The following SHANK2 variants were observed in gnomAD, a reference collection of about 807,000 sequenced individuals.
SHANK2 encodes the protein SH3 and multiple ankyrin repeat domains protein 2.
In SHANK2, 43 loss-of-function variants were observed where a neutral mutation model predicts 133.7. That is an observed-to-expected ratio of 0.32 (90% CI 0.25 to 0.41). The LOEUF (loss-of-function observed/expected upper bound fraction) is 0.41. Ranked by LOEUF, SHANK2 falls within the 10% of genes least tolerant of loss-of-function variation. SHANK2 has a pLI of 1.00. For synonymous variants in SHANK2, 1,017 were observed against 952.8 expected, an observed-to-expected ratio of 1.07 and a Z score of -1.24; for missense variants, 1,994 against 2,235.8, an observed-to-expected ratio of 0.89 and a Z score of 2.18.
intron 10 of SHANK2, among the ~76,000 whole-genome samples, chr11:70,953,208 G>T (rs1201263227): frequency 6.6e-6 from 1 of 152,062 alleles, no homozygotes; most frequent in Non-Finnish European, 1.5e-5. Flanking sequence ...CCGGGCCATG[G>T]GGGTGGATCC....
chr11:70,525,775 A>AC (rs530152785), intron 17 of SHANK2, among the ~76,000 whole-genome samples: 89 of 151,502 alleles, frequency 5.9e-4, no homozygotes, highest in Non-Finnish European at 1.0e-3. Flanking sequence ...TCTCCAGCTA[A>AC]CCCCCCTCCT....
intron 17 of SHANK2, among the ~76,000 whole-genome samples, chr11:70,517,608 T>C (rs2059281329): frequency 6.6e-6 from 1 of 152,174 alleles, no homozygotes; most frequent in South Asian, 2.1e-4. Flanking sequence ...GAAGCCAATC[T>C]GAAAAGGCTG....
At chr11:71,066,880 A>T (rs1431686815) in intron 9 of SHANK2, among the ~76,000 whole-genome samples, 1 of 151,866 alleles carries the variant, frequency 6.6e-6, no homozygotes, top group East Asian at 1.9e-4. Flanking sequence ...GTACGAACAC[A>T]CCCCTCACTG....
At chr11:70,550,867 C>G (rs1483668750) in intron 17 of SHANK2, among the ~76,000 whole-genome samples, 1 of 152,194 alleles carries the variant, frequency 6.6e-6, no homozygotes, top group Non-Finnish European at 1.5e-5. Context: ...CTCCATGGAG[C>G]AGGTCTGAGA....
intron 2 of SHANK2, among the ~76,000 whole-genome samples, chr11:71,209,099 G>A (rs1954195407): frequency 6.6e-6 from 1 of 152,134 alleles, no homozygotes; most frequent in African/African-American, 2.4e-5. Flanking sequence ...AAAGCAGAAC[G>A]TCCCTCTCAG....
At chr11:70,775,914 C>G (rs1366580158) in intron 14 of SHANK2, among the ~76,000 whole-genome samples, 1 of 152,250 alleles carries the variant, frequency 6.6e-6, no homozygotes, top group Non-Finnish European at 1.5e-5. Flanking sequence ...ACAACATCTT[C>G]ATTCAATAAC....
At chr11:71,141,640 C>T (rs1484140715) in intron 3 of SHANK2, among the ~76,000 whole-genome samples, 2 of 152,058 alleles carry the variant, frequency 1.3e-5, no homozygotes, top group Admixed American at 1.3e-4. Flanking sequence ...ACTCAGTCTC[C>T]GGTAGTTAGC....
At position 70,790,908 on chromosome 11, in the gene SHANK2, C is replaced by T. The variant is rs1055451027; in HGVS notation, c.1777+7535G>A. Among the ~76,000 whole-genome samples the T allele has an allele frequency of 3.0e-4, 46 of 152,184 alleles. 2 individuals carry two copies. Among genetic ancestry groups the T allele is most frequent in the Admixed American group, 2.5e-3 (38 of 15,280 alleles). ...GGGCAGCGTTTCTCCATTCTCTCTC[C>T]CCGTCTCTGCAGGCTGGGGGCAGGG... On this transcript the variant is annotated intron_variant, in intron 14 of 25. Transcript: ENST00000601538.
chr11:71,123,834 A>G (rs1952120936), intron 3 of SHANK2, among the ~76,000 whole-genome samples: 2 of 152,206 alleles, frequency 1.3e-5, no homozygotes, highest in Non-Finnish European at 2.9e-5. Context: ...TTACTGGAGG[A>G]AACAACTCTC....
chr11:70,559,664 C>T (rs1263582300), intron 17 of SHANK2, among the ~76,000 whole-genome samples: 1 of 152,126 alleles, frequency 6.6e-6, no homozygotes, highest in Non-Finnish European at 1.5e-5. Flanking sequence ...AGGGCATCTG[C>T]ATCGATCATT....
At chr11:70,815,444 G>A (rs1948372785) in intron 12 of SHANK2, among the ~76,000 whole-genome samples, 1 of 152,106 alleles carries the variant, frequency 6.6e-6, no homozygotes, top group African/African-American at 2.4e-5. Context: ...GAGGGACCCT[G>A]TGGTGTCTCC....
chr11:71,158,262 A>G (rs1234151685), intron 2 of SHANK2, among the ~76,000 whole-genome samples: 1 of 152,260 alleles, frequency 6.6e-6, no homozygotes, highest in African/African-American at 2.4e-5. Context: ...GTTAAAAAAA[A>G]GTCCAGCAAA....
intron 17 of SHANK2, among the ~76,000 whole-genome samples, chr11:70,643,345 C>T (rs369644150): frequency 2.6e-5 from 4 of 152,194 alleles, no homozygotes; most frequent in African/African-American, 4.8e-5. Flanking sequence ...GGGCGGATCA[C>T]GAGGTCAGGA....
chr11:70,773,035 C>T (rs1947286691), intron 14 of SHANK2, among the ~76,000 whole-genome samples: 1 of 152,208 alleles, frequency 6.6e-6, no homozygotes, highest in Non-Finnish European at 1.5e-5. Context: ...CCTCTGGCTC[C>T]TCTAATCCCC....
At chr11:70,492,136 G>C (rs2058895017) in intron 22 of SHANK2, among the ~76,000 whole-genome samples, 199 bp downstream of exon 22, 1 of 152,064 alleles carries the variant, frequency 6.6e-6, no homozygotes, top group Admixed American at 6.6e-5. Context: ...GCAGGGCTTG[G>C]ATGCAGCCTG....
chr11:70,548,426 A>G (rs1230766421), intron 17 of SHANK2, among the ~76,000 whole-genome samples: 2 of 152,080 alleles, frequency 1.3e-5, no homozygotes, highest in Non-Finnish European at 2.9e-5. Context: ...TCCACCCGCC[A>G]CTTCCCTGCT....
rs1007655106 is a variant in SHANK2, at chr11:70,525,414, C to T, written c.2062-22483G>A. Among the ~76,000 whole-genome samples the T allele has an allele frequency of 4.6e-5, 7 of 152,126 alleles. No homozygotes were observed. The East Asian group carries it at 7.7e-4, about 17-fold the overall frequency. ...GCAGCCCCTAACACCCAGGACAGCT[C>T]ATCCCGGGTCTGTGAACCCCAGCCA... On this transcript the variant is annotated intron_variant, in intron 17 of 25. Coordinates refer to ENST00000601538, the MANE Select transcript of SHANK2 (RefSeq NM_012309.5).
Position 71,152,140 on chromosome 11 carries a change from T to G in SHANK2, c.-12-4802A>C, listed in dbSNP as rs576527968. Reference sequence around the variant, plus strand: ...TTGTTTGTTTTTTATTGAGACGGAGTCTCACTCTGTCGCCCAGGCCAGAGT... The same window carrying G: ...TTGTTTGTTTTTTATTGAGACGGAGGCTCACTCTGTCGCCCAGGCCAGAGT... On this transcript the variant is annotated intron_variant, in intron 2 of 25. Coordinates refer to ENST00000601538, the MANE Select transcript of SHANK2 (RefSeq NM_012309.5). Among the ~76,000 whole-genome samples, 9 of 152,166 alleles carry G rather than the reference T, an allele frequency of 5.9e-5. No individual in the cohort carries two copies. In the South Asian group the frequency reaches 1.7e-3, roughly 28 times the overall value.
At position 70,659,916 on chromosome 11, in the gene SHANK2, G is replaced by C. The variant is rs782069830; in HGVS notation, c.1973C>G (p.Ala658Gly). Residue 658 changes from alanine to glycine, a missense_variant, in exon 17 of 26, where the codon GCT becomes GGT. Ala to Gly is a moderately conservative substitution (Grantham distance 60). Around this residue, in one of 5 missense-constraint regions of SHANK2, gnomAD observed 488 missense variants for 642.6 expected, o/e 0.76. Transcript: ENST00000601538. ...CTCCAGGTACTGTAGGGCTGGGAAA[G>C]CCGGTGTTGGTGTGAATTCTTCAAT... ...TPIEEFTPTP[A>G]FPALQYLESV... 60 of 1,614,090 alleles carry C rather than the reference G, an allele frequency of 3.7e-5. No homozygotes were observed. The highest frequency in any genetic ancestry group is 4.8e-5 in the Non-Finnish European group (57 of 1,180,040).
Sources: allele counts gnomAD v4.1 joint callset (sites outside exome capture counted in the v4.1 genomes callset), GRCh38; gene constraint gnomAD v4.1.1; regional missense constraint gnomAD v4.1.1; transcripts MANE v1.5; gene names NCBI Gene and HGNC (gene_info 2026-07-23, HGNC 2026-07-21).